The following RGL1 variants were observed in gnomAD, a reference collection of about 807,000 sequenced individuals.
The protein encoded by RGL1 is ral guanine nucleotide dissociation stimulator-like 1.
RGL1 carries 24 observed loss-of-function variants against 95.2 expected under a neutral mutation model. The ratio of observed to expected loss-of-function variants is 0.25; its 90% CI spans 0.18 to 0.35. RGL1 has a LOEUF of 0.35. Among genes scored for constraint, RGL1 ranks in the 10% least tolerant of loss-of-function variants. The pLI is 1.00. For missense variants in RGL1, 715 were observed against 936.3 expected (o/e 0.76, Z 3.08); for synonymous variants, 329 against 344.9 (o/e 0.95, Z 0.51).
At chr1:183,839,684 A>G (rs1438446666) in intron 2 of RGL1, among the ~76,000 whole-genome samples, 2 of 152,198 alleles carry the variant, frequency 1.3e-5, no homozygotes, top group Non-Finnish European at 2.9e-5. Flanking sequence ...TTTCAACAGG[A>G]CACAGAGTCT....
chr1:183,658,083 A>G (rs1174513047), intron 1 of RGL1, among the ~76,000 whole-genome samples: 1 of 152,322 alleles, frequency 6.6e-6, no homozygotes, highest in East Asian at 1.9e-4. Context: ...TGGAGCCGAG[A>G]TGGCCGAATA....
At chr1:183,652,684 A>G (rs1650851089) in intron 1 of RGL1, among the ~76,000 whole-genome samples, 1 of 152,184 alleles carries the variant, frequency 6.6e-6, no homozygotes, top group Admixed American at 6.5e-5. Context: ...GTTGCTTAAG[A>G]CTTGTTTCCC....
chr1:183,826,680 A>C (rs1368795362), intron 2 of RGL1, among the ~76,000 whole-genome samples: 2 of 152,234 alleles, frequency 1.3e-5, no homozygotes, highest in Non-Finnish European at 2.9e-5. Flanking sequence ...AAGATACTAC[A>C]GTTCATTGTA....
At chr1:183,849,617 GGT>G (rs1426004252) in intron 3 of RGL1, among the ~76,000 whole-genome samples, 1 of 148,158 alleles carries the variant, frequency 6.7e-6, no homozygotes, top group African/African-American at 2.5e-5. Flanking sequence ...CAGCCTCCTG[GGT>G]AGCTGGGATT....
intron 2 of RGL1, among the ~76,000 whole-genome samples, chr1:183,808,337 G>A (rs1661479745): frequency 6.6e-6 from 1 of 152,152 alleles, no homozygotes; most frequent in African/African-American, 2.4e-5. Context: ...TACTGAGAAG[G>A]AGGATAATGT....
In RGL1 at chr1:183,912,196, C is replaced by T. The variant is rs775203343; in HGVS notation, c.1677C>T (p.Cys559=). The change falls in exon 15 of 18, where the codon TGC becomes TGT. Residue 559 remains cysteine (C), a synonymous_variant. Coordinates refer to ENST00000360851, the MANE Select transcript of RGL1 (RefSeq NM_001297671.3). The part of the protein sequence containing the change: ...ESMDSVSVSS[C]ESNHSEAEEG... The stretch of plus-strand genomic sequence containing the variant: ...TGGACTCTGTCAGCGTGTCATCCTG[C>T]GAGTCGAACCACTCAGAGGCTGAGG... 1.3e-5 allele frequency: 21 copies of T among 1,613,938 alleles called. No individual in the cohort carries two copies. The highest frequency in any genetic ancestry group is 2.7e-5 in the African/African-American group (2 of 74,888).
At chr1:183,899,257 T>G (rs951580384) in intron 10 of RGL1, among the ~76,000 whole-genome samples, 1 of 152,198 alleles carries the variant, frequency 6.6e-6, no homozygotes, top group African/African-American at 2.4e-5. Flanking sequence ...AATCTAGACT[T>G]TGTTTGGATT....
intron 9 of RGL1, among the ~76,000 whole-genome samples, chr1:183,896,912 G>A (rs1289526493): frequency 1.3e-5 from 2 of 152,212 alleles, no homozygotes; most frequent in African/African-American, 4.8e-5. Flanking sequence ...ACTGACTGGG[G>A]GCTGGGGATG....
At chr1:183,912,632 G>A (rs1419741158) in intron 15 of RGL1, among the ~76,000 whole-genome samples, 1 of 152,170 alleles carries the variant, frequency 6.6e-6, no homozygotes, top group Non-Finnish European at 1.5e-5. Context: ...TCACAATAAT[G>A]TTGCATTGCA....
At chr1:183,684,082 G>A (rs559265959) in intron 1 of RGL1, among the ~76,000 whole-genome samples, 9 of 151,916 alleles carry the variant, frequency 5.9e-5, no homozygotes, top group Non-Finnish European at 1.2e-4. Flanking sequence ...TTTTTTCAAG[G>A]TTCTTAGCTT....
intron 2 of RGL1, among the ~76,000 whole-genome samples, chr1:183,781,404 A>C (rs1382701657): frequency 6.6e-6 from 1 of 152,172 alleles, no homozygotes. Context: ...TATTGAAAAC[A>C]CTAACTTAGA....
chr1:183,858,339 T>A (rs1665292182), intron 3 of RGL1, among the ~76,000 whole-genome samples: 3 of 152,062 alleles, frequency 2.0e-5, no homozygotes, highest in African/African-American at 7.2e-5. Context: ...AATGTCACAA[T>A]TTTTTTCATA....
At chr1:183,693,104 G>A (rs1572284391) in intron 1 of RGL1, among the ~76,000 whole-genome samples, 1 of 151,978 alleles carries the variant, frequency 6.6e-6, no homozygotes, top group East Asian at 1.9e-4. Flanking sequence ...GCAGGCGTGT[G>A]CCACCACACC....
At chr1:183,833,745 T>A (rs1212291401) in intron 2 of RGL1, among the ~76,000 whole-genome samples, 1 of 152,178 alleles carries the variant, frequency 6.6e-6, no homozygotes, top group East Asian at 1.9e-4. Flanking sequence ...TGATTTGACC[T>A]TACAAATGAA....
intron 7 of RGL1, among the ~76,000 whole-genome samples, chr1:183,887,328 G>T (rs890796574): frequency 4.6e-5 from 7 of 151,638 alleles, no homozygotes; most frequent in Non-Finnish European, 1.0e-4. Context: ...TTGAGGGTTT[G>T]TTTGGCATAG....
At chr1:183,682,766 G>A (rs142277795) in intron 1 of RGL1, among the ~76,000 whole-genome samples, 1 of 152,164 alleles carries the variant, frequency 6.6e-6, no homozygotes, top group Admixed American at 6.5e-5. Flanking sequence ...TGACGGTGGG[G>A]TGTTAAGTTC....
upstream of RGL1, among the ~76,000 whole-genome samples, chr1:183,803,062 T>A (rs576133439): frequency 6.6e-6 from 1 of 152,244 alleles, no homozygotes; most frequent in East Asian, 1.9e-4. Context: ...TTGCTCTATC[T>A]AGCATAAAGT....
intron 2 of RGL1, among the ~76,000 whole-genome samples, chr1:183,794,216 T>C (rs973977289): frequency 6.6e-6 from 1 of 152,088 alleles, no homozygotes; most frequent in Non-Finnish European, 1.5e-5. Flanking sequence ...ATGTTCTCAC[T>C]CATGTGGGAG....
intron 1 of RGL1, among the ~76,000 whole-genome samples, chr1:183,738,038 T>A (rs1483883499): frequency 6.6e-6 from 1 of 152,258 alleles, no homozygotes; most frequent in Non-Finnish European, 1.5e-5. Flanking sequence ...TACAGTGATT[T>A]CATATTATCT....
Sources: gnomAD v4.1 joint callset for allele counts (sites outside exome capture counted in the v4.1 genomes callset) on GRCh38, gnomAD v4.1.1 for gene constraint, MANE v1.5 for transcripts, NCBI Gene and HGNC (gene_info 2026-07-23, HGNC 2026-07-21) for gene names.